UNC5D: variants seen among roughly 807,000 people sequenced by gnomAD.
The protein encoded by UNC5D is unc-5 netrin receptor D.
In UNC5D, 39 loss-of-function variants were observed where a neutral mutation model predicts 105.4. The observed-to-expected ratio is 0.37, with a 90% CI of 0.29 to 0.48. UNC5D has a LOEUF of 0.48. UNC5D is among the 20% of genes least tolerant of loss of function. The pLI is 0.98. For missense variants in UNC5D, 991 were observed against 1,202.4 expected, an observed-to-expected ratio of 0.82 and a Z score of 2.60; for synonymous variants, 452 against 450.4, an observed-to-expected ratio of 1.00 and a Z score of -0.04.
At chr8:35,765,156 G>C (rs959038573) in intron 14 of UNC5D, among the ~76,000 whole-genome samples, 3 of 152,182 alleles carry the variant, frequency 2.0e-5, no homozygotes, top group East Asian at 3.9e-4. Context: ...TGATCTTAGG[G>C]GGGCAGTGAT....
chr8:35,453,728 G>T (rs1450648248), intron 1 of UNC5D, among the ~76,000 whole-genome samples: 1 of 152,040 alleles, frequency 6.6e-6, no homozygotes, highest in Non-Finnish European at 1.5e-5. Flanking sequence ...TGCATCTCAA[G>T]GGGGTAGCAT....
At chr8:35,659,695 G>C (rs973451375) in intron 4 of UNC5D, among the ~76,000 whole-genome samples, 3 of 152,216 alleles carry the variant, frequency 2.0e-5, no homozygotes, top group African/African-American at 7.2e-5. Flanking sequence ...ATATAAATGG[G>C]TCTTGTCTCC....
At chr8:35,541,847 A>G (rs1405986700) in intron 1 of UNC5D, among the ~76,000 whole-genome samples, 1 of 152,190 alleles carries the variant, frequency 6.6e-6, no homozygotes, top group Non-Finnish European at 1.5e-5. Context: ...ACATGCGTCT[A>G]TTTAAAAAAA....
At chr8:35,559,572 A>C (rs539702165) in intron 2 of UNC5D, among the ~76,000 whole-genome samples, 207 of 152,356 alleles carry the variant, frequency 1.4e-3, no homozygotes, top group African/African-American at 4.6e-3. Context: ...GCTCAGGGCC[A>C]GGTGTTGGTA....
At chr8:35,641,380 A>G (rs920285510) in intron 4 of UNC5D, among the ~76,000 whole-genome samples, 3 of 150,520 alleles carry the variant, frequency 2.0e-5, no homozygotes, top group South Asian at 2.1e-4. Flanking sequence ...AAAAAAAAAA[A>G]AAAAAGAAAA....
At chr8:35,329,760 C>G (rs538978762) in intron 1 of UNC5D, among the ~76,000 whole-genome samples, 78 of 152,294 alleles carry the variant, frequency 5.1e-4, no homozygotes, top group African/African-American at 1.9e-3. Context: ...GGCTTCACCC[C>G]CTTCCTTGCC....
At chr8:35,585,444 T>C (rs1818725531) in intron 3 of UNC5D, among the ~76,000 whole-genome samples, 1 of 152,008 alleles carries the variant, frequency 6.6e-6, no homozygotes, top group Admixed American at 6.6e-5. Flanking sequence ...TGCTGTAAGA[T>C]TTACTGAACA....
chr8:35,319,932 G>A (rs1809597738), intron 1 of UNC5D, among the ~76,000 whole-genome samples: 1 of 152,034 alleles, frequency 6.6e-6, no homozygotes, highest in East Asian at 1.9e-4. Flanking sequence ...ACCTCTTGAA[G>A]CCTCTTGCCA....
At chr8:35,419,383 T>C (rs1336239899) in intron 1 of UNC5D, among the ~76,000 whole-genome samples, 3 of 152,150 alleles carry the variant, frequency 2.0e-5, no homozygotes, top group Non-Finnish European at 2.9e-5. Context: ...CCAGCCCAGA[T>C]TCCGTGCCTG....
intron 2 of UNC5D, among the ~76,000 whole-genome samples, chr8:35,554,152 A>T (rs747478014): frequency 6.6e-6 from 1 of 152,194 alleles, no homozygotes; most frequent in African/African-American, 2.4e-5. Context: ...ATTGGAAGCA[A>T]TAAGTCCTTT....
intron 1 of UNC5D, among the ~76,000 whole-genome samples, chr8:35,348,631 A>G (rs1811976270): frequency 6.6e-6 from 1 of 151,864 alleles, no homozygotes; most frequent in Non-Finnish European, 1.5e-5. Flanking sequence ...GAGAATGACA[A>G]ACGTTAAAAA....
At chr8:35,400,147 G>A (rs1271636564) in intron 1 of UNC5D, among the ~76,000 whole-genome samples, 1 of 152,140 alleles carries the variant, frequency 6.6e-6, no homozygotes, top group Non-Finnish European at 1.5e-5. Flanking sequence ...ACCAGCCTTG[G>A]AAGCATCTTA....
chr8:35,750,951 C>T (rs1830253950), intron 13 of UNC5D, 142 bp downstream of exon 13: 1 of 925,310 alleles, frequency 1.1e-6, no homozygotes, highest in African/African-American at 1.6e-5. Context: ...GTTCACCTTG[C>T]CTGCTGCCTA....
Position 35,728,095 on chromosome 8 carries a change from A to AAAAAAAATAT in UNC5D, c.1681+1567_1681+1568insAAAAAATATA, listed in dbSNP as rs34672872. Among the ~76,000 whole-genome samples, 51 of 110,348 alleles carry AAAAAAAATAT rather than the reference A, an allele frequency of 4.6e-4. No individual in the cohort carries two copies. The East Asian group carries it at 7.1e-3, about 15-fold the overall frequency. The allele number at this position is 110,348 out of a possible 152,430, so 72.4% of individuals were successfully genotyped here. Reference sequence around the variant, plus strand: ...CTAAAAAAAAAAAAAAAAAAAAAAAAATATATATATATATATGCCATAAAA... The same window carrying AAAAAAAATAT: ...CTAAAAAAAAAAAAAAAAAAAAAAAAAAAAAAATATATATATATATATATATGCCATAAAA... On this transcript the variant is annotated intron_variant, in intron 10 of 16. Coordinates refer to ENST00000404895, the MANE Select transcript of UNC5D (RefSeq NM_080872.4).
chr8:35,471,648 T>C (rs180727792), intron 1 of UNC5D, among the ~76,000 whole-genome samples: 170 of 152,344 alleles, frequency 1.1e-3, no homozygotes, highest in African/African-American at 3.8e-3. Flanking sequence ...TTGTGTTTTT[T>C]CTTTGTTTTT....
At chr8:35,538,395 T>C (rs1180938657) in intron 1 of UNC5D, among the ~76,000 whole-genome samples, 6 of 82,446 alleles carry the variant, frequency 7.3e-5, no homozygotes, top group African/African-American at 1.6e-4. Context: ...AAAAAAATAA[T>C]TATATATATA....
In UNC5D at chr8:35,724,073, C is replaced by T. The variant is rs16884303; in HGVS notation, c.1303+1678C>T. On this transcript the variant is annotated intron_variant, in intron 9 of 16. Transcript: ENST00000404895. The stretch of plus-strand genomic sequence containing the variant: ...CTTCCTCTTACCCTAGTACAGGATG[C>T]CAGCGTGTTCCGTGGAGCACCAGGC... 2,648 of 1,322,182 alleles carry T rather than the reference C, an allele frequency of 2.0e-3. 48 individuals are homozygous for T. The African/African-American group carries it at 0.035, about 18-fold the overall frequency. 81.9% of individuals were successfully genotyped at this position (1,322,182 alleles called of 1,614,324 possible). A position where few individuals can be genotyped will look rare whatever the true frequency, so the allele number is the denominator to read the frequency against.
chr8:35,366,206 G>A (rs1802113577), intron 1 of UNC5D, among the ~76,000 whole-genome samples: 1 of 151,926 alleles, frequency 6.6e-6, no homozygotes, highest in African/African-American at 2.4e-5. Context: ...CAGGCGTCTT[G>A]GAGTGTTTGA....
At chr8:35,547,858 A>T (rs1049809852) in intron 1 of UNC5D, among the ~76,000 whole-genome samples, 1 of 152,134 alleles carries the variant, frequency 6.6e-6, no homozygotes, top group African/African-American at 2.4e-5. Flanking sequence ...TTTCTTAATG[A>T]GTATTGACTC....
Sources: gnomAD v4.1 joint callset for allele counts (sites outside exome capture counted in the v4.1 genomes callset) on GRCh38, gnomAD v4.1.1 for gene constraint, MANE v1.5 for transcripts, NCBI Gene and HGNC (gene_info 2026-07-23, HGNC 2026-07-21) for gene names.